The following ADGRL2 variants were observed in gnomAD, a reference collection of about 807,000 sequenced individuals.
ADGRL2 encodes adhesion G protein-coupled receptor L2, also known as calcium-independent alpha-latrotoxin receptor 2.
In ADGRL2, 44 loss-of-function variants were observed where a neutral mutation model predicts 157.4. The ratio of observed to expected loss-of-function variants is 0.28; its 90% CI spans 0.22 to 0.36. The LOEUF is 0.36. Among genes scored for constraint, ADGRL2 ranks in the 10% least tolerant of loss-of-function variants. ADGRL2 has a pLI of 1.00. For synonymous variants in ADGRL2, 585 were observed against 624.7 expected, an observed-to-expected ratio of 0.94 and a Z score of 0.95; for missense variants, 1,510 against 1,768.9, an observed-to-expected ratio of 0.85 and a Z score of 2.63.
intron 3 of ADGRL2, among the ~76,000 whole-genome samples, chr1:81,624,458 G>A (rs1238361652): frequency 1.3e-5 from 2 of 151,986 alleles, no homozygotes; most frequent in African/African-American, 4.8e-5. Flanking sequence ...GCCCGCGCCT[G>A]TAATCCCAGC....
intron 2 of ADGRL2, among the ~76,000 whole-genome samples, chr1:81,894,407 A>T (rs538416236): frequency 5.9e-5 from 9 of 152,198 alleles, no homozygotes; most frequent in African/African-American, 2.2e-4. Flanking sequence ...GAAAAGTAAT[A>T]GCACAATAGT....
At chr1:81,592,175 T>C (rs950557538) in intron 3 of ADGRL2, among the ~76,000 whole-genome samples, 1 of 152,200 alleles carries the variant, frequency 6.6e-6, no homozygotes, top group African/African-American at 2.4e-5. Flanking sequence ...CATCAGCTAC[T>C]ACATCCTCTT....
At chr1:81,668,287 T>A (rs1260831058) in intron 3 of ADGRL2, among the ~76,000 whole-genome samples, 1 of 151,890 alleles carries the variant, frequency 6.6e-6, no homozygotes, top group Non-Finnish European at 1.5e-5. Flanking sequence ...TAGTCGGACA[T>A]GGTGGAGCAC....
intron 3 of ADGRL2, among the ~76,000 whole-genome samples, chr1:81,681,538 A>T (rs685707): frequency 6.6e-6 from 1 of 152,136 alleles, no homozygotes; most frequent in African/African-American, 2.4e-5. Context: ...CTAATAATTG[A>T]CATTAAAATT....
In ADGRL2 at chr1:81,682,101, A is replaced by ATGTGTGTGTG. The variant is rs1440744581; in HGVS notation, c.-142-79709_-142-79708insGTGTGTGTGT. ...TAGAAAGTTCCATATATATACATAT[A>ATGTGTGTGTG]TATGTGTGTGTGTGTGTGTGTGTGT... On this transcript the variant is annotated intron_variant, in intron 3 of 24. Coordinates refer to the ADGRL2 transcript ENST00000370721. Among the ~76,000 whole-genome samples, 461 of 88,328 alleles carry ATGTGTGTGTG rather than the reference A, an allele frequency of 5.2e-3. 8 individuals are homozygous for ATGTGTGTGTG. Among genetic ancestry groups the ATGTGTGTGTG allele is most frequent in the African/African-American group, 0.021 (446 of 20,958 alleles). The allele number at this position is 88,328 out of a possible 152,430, so 57.9% of individuals were successfully genotyped here.
In ADGRL2 at chr1:81,393,809, AT is replaced by A. The variant is rs545989849; in HGVS notation, c.-301-51225del. On this transcript the variant is annotated intron_variant, in intron 1 of 24. Transcript: ENST00000370721. ...GTTGAACATCTACTATGTTAATACT[AT>A]TGCCTTGCTTTTTTTTTTTTTTTGC... Among the ~76,000 whole-genome samples, 5 of 138,184 alleles carry A rather than the reference AT, an allele frequency of 3.6e-5. No individual in the cohort carries two copies. In the East Asian group the frequency reaches 1.1e-3, roughly 31 times the overall value. The allele number at this position is 138,184 out of a possible 152,430, so 90.7% of individuals were successfully genotyped here.
At chr1:81,587,062 A>C (rs1226718651) in intron 3 of ADGRL2, among the ~76,000 whole-genome samples, 1 of 152,076 alleles carries the variant, frequency 6.6e-6, no homozygotes, top group African/African-American at 2.4e-5. Flanking sequence ...GAGCAAGGAG[A>C]GAACCAATCA....
chr1:81,654,892 G>T (rs1390141839), intron 3 of ADGRL2, among the ~76,000 whole-genome samples: 1 of 152,180 alleles, frequency 6.6e-6, no homozygotes, highest in Non-Finnish European at 1.5e-5. Flanking sequence ...AATCTCTCTT[G>T]CCTCAGCCTC....
chr1:81,502,441 G>C (rs577766955), intron 2 of ADGRL2: 138 of 1,614,070 alleles, frequency 8.5e-5, no homozygotes, highest in Non-Finnish European at 1.1e-4. Flanking sequence ...AAAGGAAAGA[G>C]TTCCTGGATG....
At chr1:81,667,245 G>A (rs145443793) in intron 3 of ADGRL2, among the ~76,000 whole-genome samples, 1 of 152,138 alleles carries the variant, frequency 6.6e-6, no homozygotes, top group African/African-American at 2.4e-5. Flanking sequence ...TCAGACAGGA[G>A]TTATTTAATG....
chr1:81,446,365 T>C lies in ADGRL2; in HGVS notation c.-248+1276T>C, dbSNP rs186438584. Among the ~76,000 whole-genome samples the C allele has an allele frequency of 6.2e-4, 94 of 152,260 alleles. 1 individual carries two copies. Among genetic ancestry groups the C allele is most frequent in the African/African-American group, 2.2e-3 (90 of 41,554 alleles). On this transcript the variant is annotated intron_variant, in intron 2 of 24. Transcript: ENST00000370721. ...CAAAACAAAAAGCCTTTCAGGGGAA[T>C]GGAGGCACAGTTCTTCCAGATCACA...
At chr1:81,939,526 T>C (rs950783805) in intron 4 of ADGRL2, among the ~76,000 whole-genome samples, 2 of 151,572 alleles carry the variant, frequency 1.3e-5, no homozygotes, top group Admixed American at 1.3e-4. Flanking sequence ...TATTAATGAA[T>C]AAACATGTTT....
intron 3 of ADGRL2, among the ~76,000 whole-genome samples, chr1:81,656,726 A>G (rs1301372251): frequency 6.6e-6 from 1 of 152,118 alleles, no homozygotes; most frequent in Non-Finnish European, 1.5e-5. Context: ...AAAAATAATC[A>G]GGGCCAGGCA....
chr1:81,747,211 ATG>A (rs1465256631), intron 1 of ADGRL2, among the ~76,000 whole-genome samples: 4 of 147,052 alleles, frequency 2.7e-5, no homozygotes, highest in Admixed American at 6.8e-5. Flanking sequence ...ATATATATGT[ATG>A]TGTGTATATA....
intron 1 of ADGRL2, among the ~76,000 whole-genome samples, chr1:81,370,001 A>G (rs1161793799): frequency 6.6e-6 from 1 of 152,132 alleles, no homozygotes; most frequent in Non-Finnish European, 1.5e-5. Flanking sequence ...GTAAGTTTCC[A>G]TAGTGCCCCA....
At position 81,387,168 on chromosome 1, in the gene ADGRL2, G is replaced by A. The variant is rs1192242674; in HGVS notation, c.-301-57868G>A. Among the ~76,000 whole-genome samples the A allele has an allele frequency of 2.0e-5, 3 of 152,092 alleles. 1 individual carries two copies. Among genetic ancestry groups the A allele is most frequent in the Non-Finnish European group, 1.5e-5 (1 of 68,000 alleles). The stretch of plus-strand genomic sequence containing the variant: ...CGGTAGTGTTGGCAAAGCCAGTCAG[G>A]GAATGTTATGTTACGTGAAAACACT... On this transcript the variant is annotated intron_variant, in intron 1 of 24. Coordinates refer to the ADGRL2 transcript ENST00000370721.
intron 21 of ADGRL2, 43 bp from the exon 22 acceptor site, chr1:81,986,858 G>A (rs1450170516): frequency 6.3e-7 from 1 of 1,576,458 alleles, no homozygotes; most frequent in Non-Finnish European, 8.6e-7. Context: ...AGAAACTGAT[G>A]TACTTTTCTC....
intron 2 of ADGRL2, among the ~76,000 whole-genome samples, chr1:81,852,870 AT>A (rs2093063939): frequency 6.6e-6 from 1 of 152,124 alleles, no homozygotes; most frequent in Admixed American, 6.6e-5. Context: ...TTATTAAATT[AT>A]TTTTTAACTG....
intron 1 of ADGRL2, among the ~76,000 whole-genome samples, chr1:81,308,963 C>T (rs1659539770): frequency 6.6e-6 from 1 of 152,104 alleles, no homozygotes; most frequent in Non-Finnish European, 1.5e-5. Context: ...AACTTTATGG[C>T]TATATATAAT....
Sources: gnomAD v4.1 joint callset for allele counts (sites outside exome capture counted in the v4.1 genomes callset) on GRCh38, gnomAD v4.1.1 for gene constraint, MANE v1.5 for transcripts, NCBI Gene and HGNC (gene_info 2026-07-23, HGNC 2026-07-21) for gene names.